The following GRAP2 variants were observed in gnomAD, a reference collection of about 807,000 sequenced individuals.
The protein encoded by GRAP2 is GRB2 related adaptor protein 2.
Under a neutral mutation model 43.5 loss-of-function variants are expected in GRAP2, and 31 were observed. The observed-to-expected ratio is 0.71, with a 90% CI of 0.54 to 0.96. The LOEUF (loss-of-function observed/expected upper bound fraction) is 0.96. GRAP2 is among the 40% of genes least tolerant of loss of function. The pLI is 0.00. For synonymous variants in GRAP2, 156 were observed against 164.8 expected (o/e 0.95, Z 0.41); for missense variants, 371 against 424.4 (o/e 0.87, Z 1.11).
chr22:39,926,574 T>G, intron 1 of GRAP2: 1 of 983,678 alleles, frequency 1.0e-6, no homozygotes, highest in Non-Finnish European at 1.2e-6. Flanking sequence ...TTCTACATGC[T>G]CTAGCTGGGG....
At chr22:39,967,699 G>T (rs1266625913) in intron 5 of GRAP2, among the ~76,000 whole-genome samples, 2 of 152,162 alleles carry the variant, frequency 1.3e-5, no homozygotes, top group Non-Finnish European at 2.9e-5. Context: ...GGCAACATGT[G>T]ATAAGAAGGG....
chr22:39,913,583 A>G (rs2066582779), intron 1 of GRAP2, among the ~76,000 whole-genome samples: 1 of 152,144 alleles, frequency 6.6e-6, no homozygotes, highest in Non-Finnish European at 1.5e-5. Flanking sequence ...CTGAGTCTAC[A>G]GCATGGTTGA....
At chr22:39,966,808 A>G (rs2067179432) in intron 5 of GRAP2, among the ~76,000 whole-genome samples, 1 of 152,246 alleles carries the variant, frequency 6.6e-6, no homozygotes, top group African/African-American at 2.4e-5. Flanking sequence ...TACCTAGCCA[A>G]GTTAAGAAAC....
At chr22:39,918,078 G>T (rs1476959277) in intron 1 of GRAP2, among the ~76,000 whole-genome samples, 1 of 152,190 alleles carries the variant, frequency 6.6e-6, no homozygotes, top group Non-Finnish European at 1.5e-5. Flanking sequence ...TACAGAGAAT[G>T]AATATTCTGT....
At chr22:39,950,662 C>G (rs2145643241) in intron 2 of GRAP2, among the ~76,000 whole-genome samples, 1 of 152,356 alleles carries the variant, frequency 6.6e-6, no homozygotes, top group Non-Finnish European at 1.5e-5. Flanking sequence ...TCTTGAATTG[C>G]TAAATTGCAT....
At chr22:39,950,040 C>T (rs2066965567) in intron 2 of GRAP2, among the ~76,000 whole-genome samples, 1 of 152,218 alleles carries the variant, frequency 6.6e-6, no homozygotes, top group Non-Finnish European at 1.5e-5. Flanking sequence ...CACATGTACA[C>T]ATGTGTGCAC....
intron 1 of GRAP2, among the ~76,000 whole-genome samples, chr22:39,907,996 C>T (rs983884039): frequency 3.9e-5 from 6 of 152,162 alleles, no homozygotes; most frequent in African/African-American, 1.4e-4. Flanking sequence ...CAGGAGCCCT[C>T]GATGGGCTTC....
upstream of GRAP2, among the ~76,000 whole-genome samples, chr22:39,897,037 A>G (rs910975628): frequency 6.6e-6 from 1 of 151,446 alleles, no homozygotes; most frequent in East Asian, 1.9e-4. Context: ...ATCTATATTC[A>G]CTCCACAGGT....
At chr22:39,950,641 C>A (rs1012960758) in intron 2 of GRAP2, among the ~76,000 whole-genome samples, 2 of 152,248 alleles carry the variant, frequency 1.3e-5, no homozygotes, top group Non-Finnish European at 2.9e-5. Flanking sequence ...AATAGATGCC[C>A]AGTACATATT....
At chr22:39,903,487 T>G (rs190456397) in intron 1 of GRAP2, among the ~76,000 whole-genome samples, 3 of 149,526 alleles carry the variant, frequency 2.0e-5, no homozygotes, top group Non-Finnish European at 4.5e-5. Context: ...TTTTTTTTTT[T>G]TTTTTTTTGA....
chr22:39,897,364 A>T (rs1478872009), upstream of GRAP2, among the ~76,000 whole-genome samples: 1 of 152,184 alleles, frequency 6.6e-6, no homozygotes, highest in African/African-American at 2.4e-5. Flanking sequence ...TGATTTATTG[A>T]TGCTACATTC....
intron 3 of GRAP2, among the ~76,000 whole-genome samples, chr22:39,957,119 G>C (rs1011457879): frequency 6.6e-6 from 1 of 152,194 alleles, no homozygotes; most frequent in African/African-American, 2.4e-5. Flanking sequence ...ATCTAATCTT[G>C]CCTCAGAACC....
intron 1 of GRAP2, among the ~76,000 whole-genome samples, chr22:39,912,355 T>C (rs533120262): frequency 6.6e-5 from 10 of 152,256 alleles, no homozygotes; most frequent in Admixed American, 2.0e-4. Flanking sequence ...GAGTTTGAAG[T>C]TGTAATGAGA....
At chr22:39,905,667 T>C (rs1698182500) in intron 1 of GRAP2, among the ~76,000 whole-genome samples, 3 of 152,254 alleles carry the variant, frequency 2.0e-5, no homozygotes, top group Admixed American at 2.0e-4. Context: ...CTTCTTCTAA[T>C]GGTGCAATGA....
chr22:39,959,417 C>T (rs538622984), intron 3 of GRAP2, among the ~76,000 whole-genome samples: 6 of 152,338 alleles, frequency 3.9e-5, no homozygotes, highest in Admixed American at 1.3e-4. Flanking sequence ...CGCTCTCTGG[C>T]GGCTGCCAGC....
chr22:39,896,576 T>C (rs2066467303), upstream of GRAP2, among the ~76,000 whole-genome samples: 2 of 152,004 alleles, frequency 1.3e-5, no homozygotes. Context: ...TGGGGCTAGG[T>C]TCATAGACTT....
chr22:39,926,507 G>C (rs914916531), intron 1 of GRAP2: 34 of 500,934 alleles, frequency 6.8e-5, no homozygotes, highest in Non-Finnish European at 7.7e-5. Context: ...AAAAGGAAAA[G>C]AGCAAAAAAG....
At position 39,926,671 on chromosome 22, in the gene GRAP2, G is replaced by C. The variant is rs372555954; in HGVS notation, c.-14-20422G>C. The C allele has an allele frequency of 4.3e-5, 42 of 985,256 alleles. No individual in the cohort carries two copies. In the African/African-American group the frequency reaches 6.6e-4, roughly 16 times the overall value. 61.0% of individuals were successfully genotyped at this position (985,256 alleles called of 1,614,324 possible). A position where few individuals can be genotyped will look rare whatever the true frequency, so the allele number is the denominator to read the frequency against. The stretch of plus-strand genomic sequence containing the variant: ...AATCGCTGGCTCTCAGGAGCTGTTT[G>C]GAAAATTCGTTGCCATGCATGAGTC... On this transcript the variant is annotated intron_variant, in intron 1 of 7. Transcript: ENST00000344138.
At position 39,920,396 on chromosome 22, in the gene GRAP2, C is replaced by T. The variant is rs960755435; in HGVS notation, c.-15+19066C>T. On this transcript the variant is annotated intron_variant, in intron 1 of 7. Transcript: ENST00000344138. ...AAATTCAAAGAAAATCAACAGACAT[C>T]ACCTCAATCAACCTGAAAAGTCTGG... 1.8e-4 allele frequency among the ~76,000 whole-genome samples: 27 copies of T among 152,160 alleles called. 1 individual carries two copies. Among genetic ancestry groups the T allele is most frequent in the Non-Finnish European group, 3.2e-4 (22 of 68,018 alleles).
Sources: gnomAD v4.1 joint callset for allele counts (sites outside exome capture counted in the v4.1 genomes callset) on GRCh38, gnomAD v4.1.1 for gene constraint, MANE v1.5 for transcripts, NCBI Gene and HGNC (gene_info 2026-07-23, HGNC 2026-07-21) for gene names.